The following CNOT1 variants were observed in gnomAD, a reference collection of about 807,000 sequenced individuals.
CNOT1 encodes the protein CCR4-NOT transcription complex subunit 1, also known as CCR4-associated factor 1.
CNOT1 carries 15 observed loss-of-function variants against 273.8 expected under a neutral mutation model. The observed-to-expected ratio is 0.05, with a 90% CI of 0.04 to 0.08. CNOT1 has a LOEUF of 0.08. CNOT1 is among the 10% of genes least tolerant of loss of function. The pLI, the probability that CNOT1 is intolerant of heterozygous loss-of-function variation, is 1.00. For synonymous variants in CNOT1, 1,022 were observed against 1,005.5 expected (o/e 1.02, Z -0.31); for missense variants, 1,644 against 2,912.2 (o/e 0.56, Z 10.02).
At chr16:58,605,970 C>T (rs2042662285) in intron 1 of CNOT1, among the ~76,000 whole-genome samples, 2 of 152,046 alleles carry the variant, frequency 1.3e-5, no homozygotes, top group South Asian at 4.1e-4. Flanking sequence ...TACCTTGTTT[C>T]CCTAGTCTTC....
intron 2 of CNOT1, among the ~76,000 whole-genome samples, chr16:58,595,038 C>A (rs1376894933): frequency 6.6e-6 from 1 of 151,244 alleles, no homozygotes; most frequent in Non-Finnish European, 1.5e-5. Flanking sequence ...TGCTTGAACC[C>A]GGGAGGCGGA....
intron 8 of CNOT1, among the ~76,000 whole-genome samples, chr16:58,584,282 T>C (rs944930382): frequency 6.6e-6 from 1 of 152,230 alleles, no homozygotes; most frequent in African/African-American, 2.4e-5. Context: ...AAGTGAGTTT[T>C]ATTATTCTGA....
chr16:58,576,206 G>A (rs1189063599), intron 14 of CNOT1, among the ~76,000 whole-genome samples: 3 of 151,934 alleles, frequency 2.0e-5, no homozygotes, highest in Admixed American at 2.0e-4. Flanking sequence ...CGCCTCCCAG[G>A]TTCAAGCGAT....
At chr16:58,558,347 G>C in intron 18 of CNOT1, 126 bp downstream of exon 18, 1 of 1,482,320 alleles carries the variant, frequency 6.7e-7, no homozygotes, top group Non-Finnish European at 9.1e-7. Context: ...GGATACTGAA[G>C]TAGCTTTCAC....
In CNOT1 at chr16:58,525,176, C is replaced by G. The variant is rs1320214782; in HGVS notation, c.6784+3G>C. 1.2e-6 allele frequency: 2 copies of G among 1,612,882 alleles called. No homozygotes were observed. Among genetic ancestry groups the G allele is most frequent in the East Asian group, 2.2e-5 (1 of 44,876 alleles). On this transcript the variant is annotated splice_donor_region_variant and intron_variant, in intron 46 of 48. Transcript: ENST00000317147. ...ACTCTGAAAACTGGCAGGCTTCACT[C>G]ACCCTCAGTGTCCAAGTCCACAGCC...
intron 16 of CNOT1, among the ~76,000 whole-genome samples, chr16:58,574,101 A>C (rs1317058924): frequency 6.6e-6 from 1 of 151,636 alleles, no homozygotes; most frequent in African/African-American, 2.4e-5. Context: ...AAGAAAAAAA[A>C]GAAGAAGAAG....
intron 1 of CNOT1, among the ~76,000 whole-genome samples, chr16:58,617,067 A>T (rs2043114918): frequency 6.6e-6 from 1 of 152,200 alleles, no homozygotes; most frequent in Admixed American, 6.5e-5. Flanking sequence ...ATGAAATTAA[A>T]CATCTTGCAA....
At chr16:58,595,041 G>C (rs943822763) in intron 2 of CNOT1, among the ~76,000 whole-genome samples, 2 of 151,788 alleles carry the variant, frequency 1.3e-5, no homozygotes, top group African/African-American at 4.8e-5. Context: ...TTGAACCCGG[G>C]AGGCGGAGGT....
intron 2 of CNOT1, among the ~76,000 whole-genome samples, chr16:58,593,984 C>T (rs1209025350): frequency 1.3e-5 from 2 of 152,216 alleles, no homozygotes; most frequent in African/African-American, 4.8e-5. Flanking sequence ...GTGGCTCACG[C>T]CTGTAATCCC....
At chr16:58,532,183 T>C (rs760997878) in intron 41 of CNOT1, 49 bp downstream of exon 41, 2 of 1,605,914 alleles carry the variant, frequency 1.2e-6, no homozygotes, top group African/African-American at 1.3e-5. Context: ...AAAATTTTAC[T>C]ACATTAATCC....
At chr16:58,523,552 G>T in intron 46 of CNOT1, 50 bp from the exon 47 acceptor site, 1 of 1,589,856 alleles carries the variant, frequency 6.3e-7, no homozygotes, top group South Asian at 1.1e-5. Context: ...AGGCCAACAT[G>T]GGAAGACAGT....
Position 58,547,770 on chromosome 16 carries a change from C to A in CNOT1, c.3523-88G>T. On this transcript the variant is annotated intron_variant, in intron 25 of 48. Transcript: ENST00000317147. This position sits in a 1 kb window ranked among gnomAD's most constrained non-coding sequence, Gnocchi z 4.0. The stretch of plus-strand genomic sequence containing the variant: ...TATTTGAGAATTCCATTATCCTATC[C>A]TAAAGACAAGTCATCATTTCTAAGA... 7.8e-7 allele frequency: 1 copy of A among 1,283,650 alleles called. No homozygotes were observed. The allele number at this position is 1,283,650 out of a possible 1,614,324, so 79.5% of individuals were successfully genotyped here.
At chr16:58,564,927 A>C (rs577666594) in intron 16 of CNOT1, among the ~76,000 whole-genome samples, 8 of 151,804 alleles carry the variant, frequency 5.3e-5, no homozygotes, top group African/African-American at 1.9e-4. Context: ...CAAGAGAAAA[A>C]CTCCGTCTCA....
chr16:58,584,607 C>G (rs558021380), intron 8 of CNOT1, among the ~76,000 whole-genome samples: 3 of 152,136 alleles, frequency 2.0e-5, no homozygotes, highest in Non-Finnish European at 4.4e-5. Flanking sequence ...GCTGGGATTA[C>G]AGGTATGAGC....
chr16:58,532,683 TC>T (rs2039807939), intron 40 of CNOT1: 1 of 360,894 alleles, frequency 2.8e-6, no homozygotes, highest in Admixed American at 4.0e-5. Flanking sequence ...GCAAGGCCCC[TC>T]ACATTTCACC....
In CNOT1 at chr16:58,580,627, GT is replaced by G. The variant is rs757629787; in HGVS notation, c.1343+5del. ...TTTTAAATGAAAGATGAATCAAAGT[GT>G]TTACCATGTGGCAATTTCTCGATTG... On this transcript the variant is annotated splice_donor_5th_base_variant and intron_variant, in intron 12 of 48. Transcript: ENST00000317147. 1 of 1,607,882 alleles carries G rather than the reference GT, an allele frequency of 6.2e-7. No homozygotes were observed. The highest frequency in any genetic ancestry group is 2.2e-5 in the East Asian group (1 of 44,688).
At chr16:58,626,184 G>T (rs755722572) in intron 1 of CNOT1, among the ~76,000 whole-genome samples, 11 of 152,078 alleles carry the variant, frequency 7.2e-5, no homozygotes, top group Non-Finnish European at 1.0e-4. Context: ...GAGGCAGGCA[G>T]ATCACCTGAG....
At chr16:58,524,878 A>ATTTTC (rs2039533558) in intron 46 of CNOT1, among the ~76,000 whole-genome samples, 1 of 152,244 alleles carries the variant, frequency 6.6e-6, no homozygotes, top group African/African-American at 2.4e-5. Flanking sequence ...AAAACAATGT[A>ATTTTC]ACAAGAGGCT....
At position 58,528,159 on chromosome 16, in the gene CNOT1, G is replaced by C. The variant is rs966735082; in HGVS notation, c.6453+316C>G. On this transcript the variant is annotated intron_variant, in intron 44 of 48. Transcript: ENST00000317147. ...AGGTCTGTTTGTTCTGCAATTCTTT[G>C]CCATGTGGGGCACACCCAGCAAATG... 116 of 512,182 alleles carry C rather than the reference G, an allele frequency of 2.3e-4. 3 individuals are homozygous for C. The Admixed American group carries it at 2.7e-3, about 12-fold the overall frequency. The allele number at this position is 512,182 out of a possible 1,614,324, so 31.7% of individuals were successfully genotyped here. A position where few individuals can be genotyped will look rare whatever the true frequency, so the allele number is the denominator to read the frequency against.
Sources: gnomAD v4.1 joint callset for allele counts (sites outside exome capture counted in the v4.1 genomes callset) on GRCh38, gnomAD v4.1.1 for gene constraint, Gnocchi (gnomAD v3.1) non-coding constraint, MANE v1.5 for transcripts, NCBI Gene and HGNC (gene_info 2026-07-23, HGNC 2026-07-21) for gene names.